The following RANBP2 variants were observed in gnomAD, a reference collection of about 807,000 sequenced individuals.
The protein encoded by RANBP2 is E3 SUMO-protein ligase RanBP2.
A neutral mutation model predicts 303.6 loss-of-function variants in RANBP2; 57 were observed. The observed-to-expected ratio is 0.19, with a 90% confidence interval of 0.15 to 0.23. The LOEUF (loss-of-function observed/expected upper bound fraction) is 0.23. Ranked by LOEUF, RANBP2 falls within the 10% of genes least tolerant of loss-of-function variation. RANBP2 has a pLI of 1.00. For synonymous variants in RANBP2, 1,167 were observed against 1,301.5 expected (o/e 0.90, Z 2.23); for missense variants, 3,138 against 3,780.8 (o/e 0.83, Z 4.46).
chr2:109,460,184 T>C, the RANBP2 span, among the ~76,000 whole-genome samples: 379 of 152,336 alleles, frequency 2.5e-3, 2 homozygotes, highest in African/African-American at 8.9e-3. Context: ...GTGATGGTGG[T>C]TAAGGCATTC....
chr2:109,168,018 G>A, the RANBP2 span, among the ~76,000 whole-genome samples: 1 of 152,172 alleles, frequency 6.6e-6, no homozygotes, highest in Non-Finnish European at 1.5e-5. Flanking sequence ...TGTGGCATGG[G>A]AGGGAAGCCT....
the RANBP2 span, among the ~76,000 whole-genome samples, chr2:109,555,737 C>G: frequency 6.6e-6 from 1 of 152,216 alleles, no homozygotes; most frequent in Admixed American, 6.5e-5. Flanking sequence ...CTCTTCCTCC[C>G]TGTTCTTTCT....
the RANBP2 span, chr2:109,501,351 T>C: frequency 2.0e-5 from 10 of 506,268 alleles, no homozygotes; most frequent in Admixed American, 3.2e-4. Context: ...TCCAGAGTTT[T>C]GAAAAAATTA....
chr2:109,275,592 G>A, the RANBP2 span, among the ~76,000 whole-genome samples: 3 of 152,310 alleles, frequency 2.0e-5, no homozygotes, highest in Admixed American at 6.5e-5. Flanking sequence ...CCCCGCACCC[G>A]CCGTGCTTCT....
the RANBP2 span, among the ~76,000 whole-genome samples, chr2:109,559,294 GAA>G: frequency 6.6e-6 from 1 of 152,272 alleles, no homozygotes; most frequent in Admixed American, 6.5e-5. Context: ...CAAAGAACCA[GAA>G]GAGACATTTT....
the RANBP2 span, among the ~76,000 whole-genome samples, chr2:109,016,103 A>T: frequency 7.3e-6 from 1 of 137,856 alleles, no homozygotes; most frequent in East Asian, 1.9e-4. Flanking sequence ...TTGTTTTGAG[A>T]CGGAGTTTCG....
chr2:109,144,493 G>A, the RANBP2 span, among the ~76,000 whole-genome samples: 1 of 152,230 alleles, frequency 6.6e-6, no homozygotes, highest in African/African-American at 2.4e-5. Flanking sequence ...CCCAGCTGTG[G>A]ATGTGCTGAG....
chr2:109,536,860 A>G, the RANBP2 span, among the ~76,000 whole-genome samples: 1 of 152,180 alleles, frequency 6.6e-6, no homozygotes, highest in Admixed American at 6.5e-5. Flanking sequence ...CTTTAAAAAG[A>G]GGAGTTCCCC....
At chr2:108,927,786 C>A in the RANBP2 span, among the ~76,000 whole-genome samples, 2 of 152,136 alleles carry the variant, frequency 1.3e-5, no homozygotes, top group East Asian at 1.9e-4. Context: ...ACACACACAA[C>A]CTCTATCCTC....
chr2:109,508,973 G>A, the RANBP2 span, among the ~76,000 whole-genome samples: 8 of 152,332 alleles, frequency 5.3e-5, no homozygotes, highest in South Asian at 4.1e-4. Context: ...TCCTCTGGAC[G>A]TTCTTGGCAA....
the RANBP2 span, chr2:109,545,537 G>T: frequency 6.5e-7 from 1 of 1,535,652 alleles, no homozygotes; most frequent in Non-Finnish European, 8.7e-7. Context: ...TCGACAGCCT[G>T]GTTCCCTTAT....
chr2:108,813,709 A>G, the RANBP2 span, among the ~76,000 whole-genome samples: 2 of 152,226 alleles, frequency 1.3e-5, no homozygotes, highest in Non-Finnish European at 2.9e-5. Flanking sequence ...CATGTTGTCT[A>G]TAACCAAATA....
chr2:109,088,531 G>A, the RANBP2 span, among the ~76,000 whole-genome samples: 1 of 151,514 alleles, frequency 6.6e-6, no homozygotes, highest in African/African-American at 2.4e-5. Flanking sequence ...TATATTTTTT[G>A]AGACAAAGTT....
chr2:108,874,955 A>G, the RANBP2 span, among the ~76,000 whole-genome samples: 2 of 151,964 alleles, frequency 1.3e-5, no homozygotes, highest in South Asian at 4.2e-4. Flanking sequence ...CCAAAGTGCA[A>G]GTATAACCTT....
At chr2:109,149,750 C>T in the RANBP2 span, among the ~76,000 whole-genome samples, 6 of 152,162 alleles carry the variant, frequency 3.9e-5, no homozygotes, top group African/African-American at 9.7e-5. Context: ...TCTATCAAGA[C>T]GTTGTGAGTA....
the RANBP2 span, among the ~76,000 whole-genome samples, chr2:109,320,536 A>G: frequency 4.6e-5 from 7 of 152,184 alleles, no homozygotes; most frequent in African/African-American, 1.7e-4. Context: ...TACCTGCTGG[A>G]TACATGTTTG....
At chr2:109,022,492 T>C in the RANBP2 span, among the ~76,000 whole-genome samples, 1 of 152,206 alleles carries the variant, frequency 6.6e-6, no homozygotes, top group African/African-American at 2.4e-5. Flanking sequence ...CTTTAAAAAT[T>C]ACTGTTTTTC....
At chr2:109,526,889 GTCTGCC>G in the RANBP2 span, among the ~76,000 whole-genome samples, 2 of 152,224 alleles carry the variant, frequency 1.3e-5, no homozygotes, top group African/African-American at 4.8e-5. Context: ...TCAGAGATGT[GTCTGCC>G]TCAGCCAGCA....
the RANBP2 span, among the ~76,000 whole-genome samples, chr2:109,713,288 C>T: frequency 6.6e-6 from 1 of 152,088 alleles, no homozygotes; most frequent in Non-Finnish European, 1.5e-5. Context: ...ATTAATAAGC[C>T]CTCCTGGTAA....
Sources: allele counts gnomAD v4.1 joint callset (sites outside exome capture counted in the v4.1 genomes callset), GRCh38; gene constraint gnomAD v4.1.1; transcripts MANE v1.5; gene names NCBI Gene and HGNC (gene_info 2026-07-23, HGNC 2026-07-21).